Variants in DTWD2 observed in about 807,000 individuals in gnomAD.
The protein encoded by DTWD2 is DTW motif tRNA-uridine aminocarboxypropyltransferase 2.
DTWD2 carries 39 observed loss-of-function variants against 31.8 expected under a neutral mutation model. The ratio of observed to expected loss-of-function variants is 1.22; its 90% CI spans 0.95 to 1.60. The LOEUF (loss-of-function observed/expected upper bound fraction) is 1.60, where lower values mean the gene tolerates loss of function less well. Among genes scored for constraint, DTWD2 ranks in the 40% most tolerant of loss-of-function variants. DTWD2 has a pLI of 0.00. For missense variants in DTWD2, 515 were observed against 381.5 expected (o/e 1.35, Z -2.92); for synonymous variants, 180 against 142.8 (o/e 1.26, Z -1.86).
Position 118,939,245 on chromosome 5 carries a change from G to C in DTWD2, c.355C>G (p.Pro119Ala). 6.2e-7 allele frequency: 1 copy of C among 1,602,264 alleles called. No individual in the cohort carries two copies. Among genetic ancestry groups the C allele is most frequent in the South Asian group, 1.1e-5 (1 of 89,274 alleles). Reference protein sequence around the residue: ...RTVPLLAACLPQDKCKVKIGR... With the variant: ...RTVPLLAACLAQDKCKVKIGR... ...ATCTTCACTTTACACTTGTCCTGGG[G>C]GAGGCATGCTGCTAGTAGAGGAACT... Residue 119 changes from proline to alanine, a missense_variant, in exon 3 of 6, where the codon CCC (proline) becomes GCC (alanine). Coordinates refer to ENST00000510708, the MANE Select transcript of DTWD2 (RefSeq NM_173666.4).
intron 4 of DTWD2, among the ~76,000 whole-genome samples, chr5:118,901,733 T>G (rs1753214092): frequency 6.6e-6 from 1 of 152,172 alleles, no homozygotes; most frequent in African/African-American, 2.4e-5. Flanking sequence ...GATTATTTCC[T>G]CAGATTATCA....
intron 4 of DTWD2, among the ~76,000 whole-genome samples, chr5:118,890,491 A>C (rs1334105087): frequency 1.3e-5 from 2 of 151,830 alleles, no homozygotes; most frequent in African/African-American, 4.8e-5. Flanking sequence ...TTTGTGCTCT[A>C]ATTACATAAA....
chr5:118,988,261 G>A lies in DTWD2; in HGVS notation c.218+33C>T, dbSNP rs985769887. On this transcript the variant is annotated intron_variant, in intron 1 of 5. Coordinates refer to ENST00000510708, the MANE Select transcript of DTWD2 (RefSeq NM_173666.4). ...GCACCCTCCTCCGAAGGCCGCTGCC[G>A]GCTGCAGTCCCCGCCCCCAGCCCCG... 16 of 1,530,326 alleles carry A rather than the reference G, an allele frequency of 1.0e-5. No individual in the cohort carries two copies. In the African/African-American group the frequency reaches 1.2e-4, roughly 12 times the overall value. 94.8% of individuals were successfully genotyped at this position (1,530,326 alleles called of 1,614,324 possible). A position where few individuals can be genotyped will look rare whatever the true frequency, so the allele number is the denominator to read the frequency against.
At chr5:118,905,114 G>C (rs1276584773) in intron 4 of DTWD2, among the ~76,000 whole-genome samples, 2 of 152,094 alleles carry the variant, frequency 1.3e-5, no homozygotes, top group East Asian at 1.9e-4. Flanking sequence ...ATATGTGTCT[G>C]TGCTATATTA....
At chr5:118,982,290 G>A (rs1004964055) in intron 1 of DTWD2, among the ~76,000 whole-genome samples, 1 of 151,940 alleles carries the variant, frequency 6.6e-6, no homozygotes, top group Non-Finnish European at 1.5e-5. Flanking sequence ...CCTATCGGAG[G>A]GTAAAAATAT....
intron 4 of DTWD2, among the ~76,000 whole-genome samples, chr5:118,867,328 C>T (rs1752400889): frequency 6.6e-6 from 1 of 151,994 alleles, no homozygotes; most frequent in African/African-American, 2.4e-5. Flanking sequence ...GATAGAATTA[C>T]TTACTCCAAA....
At chr5:118,964,943 C>T (rs1198671092) in intron 1 of DTWD2, among the ~76,000 whole-genome samples, 1 of 151,952 alleles carries the variant, frequency 6.6e-6, no homozygotes, top group African/African-American at 2.4e-5. Flanking sequence ...GCTGCCCAGT[C>T]TGGGAAGTGA....
intron 1 of DTWD2, among the ~76,000 whole-genome samples, chr5:118,985,490 T>TTATATGTATATATATATATA (rs1554072599): frequency 1.0e-5 from 1 of 95,428 alleles, no homozygotes; most frequent in Admixed American, 1.2e-4. Flanking sequence ...ATGTGCATTT[T>TTATATGTATATATATATATA]TATATATATA....
chr5:118,879,883 T>A (rs1417024101), intron 4 of DTWD2, among the ~76,000 whole-genome samples: 1 of 152,132 alleles, frequency 6.6e-6, no homozygotes, highest in East Asian at 1.9e-4. Context: ...GATGAAATAA[T>A]CTGTACAAAG....
At chr5:118,926,816 C>A (rs1022117229) in intron 4 of DTWD2, among the ~76,000 whole-genome samples, 10 of 152,150 alleles carry the variant, frequency 6.6e-5, no homozygotes, top group African/African-American at 2.4e-4. Flanking sequence ...GTGATCCTCC[C>A]ACCTCAGCCT....
chr5:118,932,903 TC>T (rs1441281403), intron 3 of DTWD2, among the ~76,000 whole-genome samples: 1 of 151,506 alleles, frequency 6.6e-6, no homozygotes, highest in Non-Finnish European at 1.5e-5. Flanking sequence ...TTTGAAAAGA[TC>T]AATTAAATTG....
At chr5:118,879,753 G>A (rs950093175) in intron 4 of DTWD2, among the ~76,000 whole-genome samples, 12 of 152,078 alleles carry the variant, frequency 7.9e-5, no homozygotes, top group Non-Finnish European at 1.6e-4. Flanking sequence ...GCTAAGTGAT[G>A]AGAACACAGG....
At chr5:118,986,595 T>C (rs1755432821) in intron 1 of DTWD2, among the ~76,000 whole-genome samples, 1 of 152,162 alleles carries the variant, frequency 6.6e-6, no homozygotes, top group African/African-American at 2.4e-5. Flanking sequence ...TAACCATAAA[T>C]GTAAAGAAGT....
intron 4 of DTWD2, among the ~76,000 whole-genome samples, chr5:118,864,907 C>T (rs186973261): frequency 8.5e-5 from 13 of 152,142 alleles, no homozygotes; most frequent in African/African-American, 3.1e-4. Context: ...AGCCATATTG[C>T]GTATTTTCTC....
intron 4 of DTWD2, among the ~76,000 whole-genome samples, chr5:118,863,042 C>T (rs1752301917): frequency 6.7e-6 from 1 of 148,618 alleles, no homozygotes; most frequent in African/African-American, 2.4e-5. Context: ...GAACTACCTA[C>T]CTCTGGACTT....
At chr5:118,906,240 T>C (rs1376973042) in intron 4 of DTWD2, among the ~76,000 whole-genome samples, 1 of 152,194 alleles carries the variant, frequency 6.6e-6, no homozygotes, top group Non-Finnish European at 1.5e-5. Context: ...CATAAACTAC[T>C]GGTAGGAGTG....
At chr5:118,857,535 CG>C (rs1752166168) in intron 4 of DTWD2, among the ~76,000 whole-genome samples, 1 of 151,970 alleles carries the variant, frequency 6.6e-6, no homozygotes, top group Admixed American at 6.6e-5. Context: ...ATTAATTTTT[CG>C]GAGTCTTTAT....
chr5:118,852,818 A>T (rs1314982654), intron 4 of DTWD2, among the ~76,000 whole-genome samples: 1 of 152,194 alleles, frequency 6.6e-6, no homozygotes, highest in Admixed American at 6.5e-5. Context: ...AAAGGCATGG[A>T]ATCAATCATG....
At position 118,837,587 on chromosome 5, in the gene DTWD2, G is replaced by A. The variant is rs1390673041; in HGVS notation, c.*3330C>T. On this transcript the variant is annotated 3_prime_UTR_variant, in exon 6 of 6. Transcript: ENST00000510708. The stretch of plus-strand genomic sequence containing the variant: ...ATGATCACATTTTTAAACCTATTTA[G>A]GGCAACAGTTGGAAATATGTGATGA... The A allele has an allele frequency of 6.6e-6, 1 of 152,218 alleles. No homozygotes were observed. Among genetic ancestry groups the A allele is most frequent in the South Asian group, 2.1e-4 (1 of 4,818 alleles). The allele number at this position is 152,218 out of a possible 1,614,324, so 9.4% of individuals were successfully genotyped here.
Sources: allele counts gnomAD v4.1 joint callset (sites outside exome capture counted in the v4.1 genomes callset), GRCh38; gene constraint gnomAD v4.1.1; transcripts MANE v1.5; gene names NCBI Gene and HGNC (gene_info 2026-07-23, HGNC 2026-07-21).